The following SMYD3 variants were observed in gnomAD, a reference collection of about 807,000 sequenced individuals.
SMYD3 encodes the protein SET and MYND domain containing 3, also known as histone-lysine N-methyltransferase SMYD3.
Under a neutral mutation model 57.7 loss-of-function variants are expected in SMYD3, and 36 were observed. The observed-to-expected ratio is 0.62, with a 90% CI of 0.48 to 0.82. The LOEUF is 0.82. SMYD3 is among the 40% of genes least tolerant of loss of function. SMYD3 has a pLI of 0.00. For missense variants in SMYD3, 515 were observed against 538.8 expected, an observed-to-expected ratio of 0.96 and a Z score of 0.44; for synonymous variants, 211 against 195.0, an observed-to-expected ratio of 1.08 and a Z score of -0.68.
intron 10 of SMYD3, among the ~76,000 whole-genome samples, chr1:245,765,510 A>T (rs1204788623): frequency 6.6e-6 from 1 of 152,260 alleles, no homozygotes; most frequent in East Asian, 1.9e-4. Flanking sequence ...AATAAGGCAT[A>T]ACTTAGTATA....
chr1:246,416,154 T>G (rs1339661182), intron 1 of SMYD3, among the ~76,000 whole-genome samples: 1 of 152,316 alleles, frequency 6.6e-6, no homozygotes, highest in African/African-American at 2.4e-5. Flanking sequence ...CTGGGGTAAA[T>G]AGTTTTAGTT....
intron 5 of SMYD3, among the ~76,000 whole-genome samples, chr1:246,162,718 G>A (rs1041222199): frequency 9.9e-5 from 15 of 152,064 alleles, no homozygotes; most frequent in African/African-American, 3.6e-4. Flanking sequence ...ACAATGTGAG[G>A]GTTACTCAGA....
At chr1:245,798,469 CACATACACAACACACCACA>C (rs2047688990) in intron 10 of SMYD3, among the ~76,000 whole-genome samples, 1 of 29,572 alleles carries the variant, frequency 3.4e-5, no homozygotes, top group Admixed American at 3.4e-4. Context: ...CACATACACA[CACATACACAACACACCACA>C]CACACACACA....
intron 8 of SMYD3, among the ~76,000 whole-genome samples, chr1:245,896,327 C>T (rs1260616435): frequency 4.3e-5 from 6 of 138,422 alleles, no homozygotes; most frequent in Non-Finnish European, 9.1e-5. Context: ...CCCTTCTACT[C>T]CAAATCCATA....
chr1:245,848,858 C>G (rs557374557), intron 10 of SMYD3, among the ~76,000 whole-genome samples: 1 of 152,144 alleles, frequency 6.6e-6, no homozygotes, highest in South Asian at 2.1e-4. Flanking sequence ...GGAGGAGCAG[C>G]AGAGGAGAAT....
At chr1:245,807,881 T>C (rs140021735) in intron 10 of SMYD3, among the ~76,000 whole-genome samples, 100 of 152,194 alleles carry the variant, frequency 6.6e-4, no homozygotes, top group African/African-American at 2.3e-3. Context: ...AATTGCACTT[T>C]AATTACCAGT....
intron 10 of SMYD3, among the ~76,000 whole-genome samples, chr1:245,832,327 G>C (rs1245379738): frequency 7.2e-5 from 11 of 152,204 alleles, no homozygotes; most frequent in Admixed American, 6.5e-4. Flanking sequence ...TGAACAGGCA[G>C]CAAACAGGAT....
chr1:246,107,700 T>C (rs956851205), intron 5 of SMYD3, among the ~76,000 whole-genome samples: 2 of 152,212 alleles, frequency 1.3e-5, no homozygotes, highest in Admixed American at 6.5e-5. Context: ...CTTTGGCAAA[T>C]GAATCACTCT....
At chr1:245,899,468 T>C (rs924072854) in intron 8 of SMYD3, among the ~76,000 whole-genome samples, 1 of 152,220 alleles carries the variant, frequency 6.6e-6, no homozygotes, top group Admixed American at 6.5e-5. Flanking sequence ...TATGGCTGTC[T>C]AGTGTAATTC....
intron 1 of SMYD3, among the ~76,000 whole-genome samples, chr1:246,410,258 A>T (rs567616832): frequency 1.1e-4 from 17 of 152,324 alleles, no homozygotes; most frequent in African/African-American, 4.1e-4. Context: ...CCATTTTCAA[A>T]AGGAATGCTT....
chr1:246,040,254 A>C (rs1412272062), intron 5 of SMYD3, among the ~76,000 whole-genome samples: 1 of 152,222 alleles, frequency 6.6e-6, no homozygotes, highest in Non-Finnish European at 1.5e-5. Context: ...GGATTTATGT[A>C]GCTCCGGAGG....
intron 5 of SMYD3, among the ~76,000 whole-genome samples, chr1:246,223,773 T>C (rs1409077785): frequency 6.6e-6 from 1 of 152,088 alleles, no homozygotes; most frequent in South Asian, 2.1e-4. Flanking sequence ...TTCCCTTACC[T>C]GACAAGCACA....
intron 5 of SMYD3, among the ~76,000 whole-genome samples, chr1:246,307,575 A>C (rs938187016): frequency 6.6e-6 from 1 of 151,250 alleles, no homozygotes; most frequent in Non-Finnish European, 1.5e-5. Flanking sequence ...GCCCGCCACC[A>C]CGCCCGGCTA....
chr1:246,260,710 C>A (rs557011966), intron 5 of SMYD3, among the ~76,000 whole-genome samples: 2 of 152,032 alleles, frequency 1.3e-5, no homozygotes, highest in South Asian at 4.2e-4. Flanking sequence ...GATTACCAGG[C>A]GTGAGCCACT....
intron 1 of SMYD3, among the ~76,000 whole-genome samples, chr1:246,459,329 C>A (rs114873449): frequency 0.013 from 1,946 of 149,356 alleles, 39 homozygotes; most frequent in African/African-American, 0.044. Flanking sequence ...TGATAGAGTT[C>A]TCGCGAGATC....
intron 10 of SMYD3, among the ~76,000 whole-genome samples, chr1:245,772,821 G>A (rs2046388958): frequency 6.6e-6 from 1 of 152,062 alleles, no homozygotes; most frequent in South Asian, 2.1e-4. Context: ...TCAGACTCAG[G>A]AGCACAGAGG....
intron 1 of SMYD3, among the ~76,000 whole-genome samples, chr1:246,357,522 A>G (rs1381389277): frequency 1.3e-5 from 2 of 152,202 alleles, no homozygotes; most frequent in Admixed American, 6.5e-5. Context: ...TGGAGTAGCC[A>G]TTCTTTTGTT....
chr1:245,811,444 T>C (rs1014110923), intron 10 of SMYD3, among the ~76,000 whole-genome samples: 1 of 152,198 alleles, frequency 6.6e-6, no homozygotes, highest in Non-Finnish European at 1.5e-5. Context: ...CCCAGACAGA[T>C]TTGAAATGTT....
chr1:245,818,909 C>A (rs1198639777), intron 10 of SMYD3, among the ~76,000 whole-genome samples: 1 of 122,204 alleles, frequency 8.2e-6, no homozygotes, highest in South Asian at 3.1e-4. Context: ...CCTGAGTGAC[C>A]TGCAAAGAGA....
Sources: allele counts gnomAD v4.1 joint callset (sites outside exome capture counted in the v4.1 genomes callset), GRCh38; gene constraint gnomAD v4.1.1; transcripts MANE v1.5; gene names NCBI Gene and HGNC (gene_info 2026-07-23, HGNC 2026-07-21).